Variants in WDR27 observed in about 807,000 individuals in gnomAD.
The protein encoded by WDR27 is WD repeat domain 27.
WDR27 carries 100 observed loss-of-function variants against 114.4 expected under a neutral mutation model. The observed-to-expected ratio is 0.87, with a 90% CI of 0.74 to 1.03. WDR27 has a LOEUF of 1.03. WDR27 is among the 50% of genes least tolerant of loss of function. The pLI, the probability that WDR27 is intolerant of heterozygous loss-of-function variation, is 0.00. For synonymous variants in WDR27, 449 were observed against 423.1 expected (o/e 1.06, Z -0.75); for missense variants, 1,129 against 1,092.9 (o/e 1.03, Z -0.47).
chr6:169,696,586 C>T lies in WDR27; in HGVS notation c.-8+4965G>A, dbSNP rs1786074494. Among the ~76,000 whole-genome samples, 3 of 152,208 alleles carry T rather than the reference C, an allele frequency of 2.0e-5. No individual in the cohort carries two copies. In the South Asian group the frequency reaches 6.2e-4, roughly 31 times the overall value. On this transcript the variant is annotated intron_variant, in intron 1 of 25. Transcript: ENST00000448612. Reference sequence around the variant, plus strand: ...AATCCGAAGACCTGAAGACCTCTTCCATGCCTGAAGCACAGGACCCCTTCA... The same window carrying T: ...AATCCGAAGACCTGAAGACCTCTTCTATGCCTGAAGCACAGGACCCCTTCA...
In WDR27 at chr6:169,659,217, C is replaced by T. The variant is rs770379708; in HGVS notation, c.1198-10G>A. On this transcript the variant is annotated splice_polypyrimidine_tract_variant and intron_variant, in intron 11 of 25. Transcript: ENST00000448612. The surrounding 1 kb of genome is among the most constrained non-coding windows in gnomAD (Gnocchi z 4.3). ...CCAGCAAGCACAGCACCTGCAGGGA[C>T]GCGGTTTCAACATCGTTAGCGACAC... The T allele has an allele frequency of 2.1e-5, 34 of 1,585,440 alleles. No individual in the cohort carries two copies. The highest frequency in any genetic ancestry group is 2.7e-5 in the Non-Finnish European group (32 of 1,167,876).
At chr6:169,537,970 G>C (rs1284374276) in intron 25 of WDR27, among the ~76,000 whole-genome samples, 2 of 151,152 alleles carry the variant, frequency 1.3e-5, no homozygotes, top group Non-Finnish European at 2.9e-5. Flanking sequence ...ATATATTGAA[G>C]CATTTACAGA....
chr6:169,637,276 C>A (rs1241129498), intron 18 of WDR27, among the ~76,000 whole-genome samples: 1 of 152,208 alleles, frequency 6.6e-6, no homozygotes, highest in Non-Finnish European at 1.5e-5. Context: ...ACGTAATAGC[C>A]CCTTGGCCAT....
intron 25 of WDR27, among the ~76,000 whole-genome samples, chr6:169,484,179 A>G (rs1251757148): frequency 6.6e-6 from 1 of 152,234 alleles, no homozygotes; most frequent in Non-Finnish European, 1.5e-5. Context: ...GGCCAGAGCA[A>G]TCAGGCAAGA....
intron 13 of WDR27, among the ~76,000 whole-genome samples, chr6:169,657,325 G>A (rs977395495): frequency 2.0e-5 from 3 of 152,210 alleles, no homozygotes; most frequent in African/African-American, 4.8e-5. Context: ...AGAAGTCCCC[G>A]AAGTCAAGCT....
rs187234788 is a variant in WDR27, at chr6:169,474,650, G to A, written c.2646-17016C>T. On this transcript the variant is annotated intron_variant, in intron 25 of 25. Transcript: ENST00000448612. ...AGAGTTCAGATGACAGACTAATCCCGATATTCATTTAGTAAGAGTTCTACA... is the reference window on the plus strand; with the variant it reads ...AGAGTTCAGATGACAGACTAATCCCAATATTCATTTAGTAAGAGTTCTACA... Among the ~76,000 whole-genome samples the A allele has an allele frequency of 3.4e-4, 52 of 151,850 alleles. 1 individual carries two copies. Among genetic ancestry groups the A allele is most frequent in the Non-Finnish European group, 6.5e-4 (44 of 67,976 alleles).
chr6:169,617,211 C>T (rs1812044169), intron 21 of WDR27, among the ~76,000 whole-genome samples: 1 of 152,146 alleles, frequency 6.6e-6, no homozygotes, highest in South Asian at 2.1e-4. Context: ...CCCTCTCTCT[C>T]TTTCAAGAGA....
At chr6:169,626,470 C>T (rs1266375497) in intron 21 of WDR27, among the ~76,000 whole-genome samples, 1 of 152,124 alleles carries the variant, frequency 6.6e-6, no homozygotes, top group Non-Finnish European at 1.5e-5. Context: ...AGGTCCAGGC[C>T]CCTCCTGCTG....
At chr6:169,464,582 A>G (rs893425083) in intron 25 of WDR27, among the ~76,000 whole-genome samples, 4 of 152,232 alleles carry the variant, frequency 2.6e-5, no homozygotes, top group Non-Finnish European at 5.9e-5. Context: ...AAAGAGTGAA[A>G]TAGCATCCAC....
chr6:169,430,591 C>T, the WDR27 span, among the ~76,000 whole-genome samples: 1 of 152,140 alleles, frequency 6.6e-6, no homozygotes, highest in Non-Finnish European at 1.5e-5. Flanking sequence ...GTAGCTTCCA[C>T]AAGGATGAAG....
the WDR27 span, among the ~76,000 whole-genome samples, chr6:169,430,826 G>C: frequency 6.6e-6 from 1 of 152,168 alleles, no homozygotes; most frequent in Non-Finnish European, 1.5e-5. Context: ...AGTTTTTCCC[G>C]GTGGGGAGGA....
chr6:169,608,833 G>A (rs973661388), intron 22 of WDR27, among the ~76,000 whole-genome samples: 10 of 152,302 alleles, frequency 6.6e-5, no homozygotes, highest in Admixed American at 6.5e-4. Flanking sequence ...AGTCTCATCT[G>A]GGACAAGCCA....
intron 2 of WDR27, among the ~76,000 whole-genome samples, chr6:169,676,477 G>T (rs1482009338): frequency 6.6e-6 from 1 of 152,178 alleles, no homozygotes; most frequent in African/African-American, 2.4e-5. Context: ...CTGCGAAGCT[G>T]TCTCTTGTGG....
intron 25 of WDR27, among the ~76,000 whole-genome samples, chr6:169,494,291 T>C (rs1023389046): frequency 1.3e-5 from 2 of 152,142 alleles, no homozygotes; most frequent in African/African-American, 4.8e-5. Context: ...CGACTCTCCC[T>C]TAGGTAAAAG....
chr6:169,662,508 T>G, intron 8 of WDR27, 84 bp from the exon 9 acceptor site: 2 of 1,538,768 alleles, frequency 1.3e-6, no homozygotes, highest in East Asian at 4.6e-5. Context: ...CACACAGAGA[T>G]GCTGCAGTGA....
At chr6:169,639,206 T>C (rs994855066) in intron 17 of WDR27, among the ~76,000 whole-genome samples, 31 of 151,478 alleles carry the variant, frequency 2.0e-4, no homozygotes, top group Non-Finnish European at 5.9e-5. Context: ...TGCGTGGTGC[T>C]GGGTACTGCG....
chr6:169,550,905 G>A (rs561668283), intron 25 of WDR27, among the ~76,000 whole-genome samples: 3 of 152,156 alleles, frequency 2.0e-5, no homozygotes, highest in Non-Finnish European at 2.9e-5. Flanking sequence ...TTGTAGAGAC[G>A]GGGTCTCACT....
intron 15 of WDR27, among the ~76,000 whole-genome samples, chr6:169,648,391 A>G (rs1183832486): frequency 1.3e-5 from 2 of 152,234 alleles, no homozygotes; most frequent in African/African-American, 4.8e-5. Context: ...CAGAAGAGCC[A>G]GCGTGCTCTG....
At chr6:169,426,861 G>C in the WDR27 span, 2 of 152,960 alleles carry the variant, frequency 1.3e-5, no homozygotes, top group African/African-American at 4.8e-5. Flanking sequence ...CCTGCTGCTT[G>C]CCTGCTACAT....
Sources: gnomAD v4.1 joint callset for allele counts (sites outside exome capture counted in the v4.1 genomes callset) on GRCh38, gnomAD v4.1.1 for gene constraint, Gnocchi (gnomAD v3.1) non-coding constraint, MANE v1.5 for transcripts, NCBI Gene and HGNC (gene_info 2026-07-23, HGNC 2026-07-21) for gene names.